SUGCT: variants seen among roughly 807,000 people sequenced by gnomAD.
The protein encoded by SUGCT is succinyl-CoA:glutarate CoA-transferase.
A neutral mutation model predicts 55.0 loss-of-function variants in SUGCT; 41 were observed. The observed-to-expected ratio is 0.74, with a 90% CI of 0.58 to 0.97. The LOEUF (loss-of-function observed/expected upper bound fraction) is 0.97, where lower values mean the gene tolerates loss of function less well. SUGCT is among the 50% of genes least tolerant of loss of function. The pLI is 0.00. For missense variants in SUGCT, 568 were observed against 547.8 expected (o/e 1.04, Z -0.37); for synonymous variants, 187 against 200.4 (o/e 0.93, Z 0.56).
chr7:40,867,763 T>C, the SUGCT span, among the ~76,000 whole-genome samples: 2 of 152,192 alleles, frequency 1.3e-5, no homozygotes, highest in African/African-American at 4.8e-5. Context: ...AAGCACTTTC[T>C]AATCGGCACA....
chr7:40,346,281 T>C (rs994366868), intron 9 of SUGCT, among the ~76,000 whole-genome samples: 2 of 152,104 alleles, frequency 1.3e-5, no homozygotes, highest in African/African-American at 4.8e-5. Context: ...TTCTAGAAAT[T>C]TGCCCACTTA....
chr7:40,703,670 G>C (rs1785267775), intron 12 of SUGCT, among the ~76,000 whole-genome samples: 1 of 152,184 alleles, frequency 6.6e-6, no homozygotes, highest in Non-Finnish European at 1.5e-5. Context: ...TGATACTCAA[G>C]TTTCTATACT....
At chr7:40,564,981 C>A (rs1445165164) in intron 12 of SUGCT, among the ~76,000 whole-genome samples, 2 of 152,132 alleles carry the variant, frequency 1.3e-5, no homozygotes, top group East Asian at 3.8e-4. Context: ...ATTTCCTGTA[C>A]CCCAGGAAGA....
intron 8 of SUGCT, among the ~76,000 whole-genome samples, chr7:40,298,561 T>G (rs1794322520): frequency 6.6e-6 from 1 of 152,182 alleles, no homozygotes; most frequent in South Asian, 2.1e-4. Context: ...CAATCATTAT[T>G]GTCGTGGGAA....
At chr7:40,336,339 G>A (rs1324278647) in intron 9 of SUGCT, among the ~76,000 whole-genome samples, 2 of 152,156 alleles carry the variant, frequency 1.3e-5, no homozygotes, top group Non-Finnish European at 2.9e-5. Context: ...GCTCCTCCCT[G>A]TACCTCTGGT....
the SUGCT span, among the ~76,000 whole-genome samples, chr7:40,987,493 C>G: frequency 6.6e-6 from 1 of 152,146 alleles, no homozygotes; most frequent in East Asian, 1.9e-4. Flanking sequence ...ACCCTTTCTT[C>G]TGGTGGAGAA....
chr7:40,171,893 G>A (rs1784688460), intron 1 of SUGCT, among the ~76,000 whole-genome samples: 1 of 152,150 alleles, frequency 6.6e-6, no homozygotes, highest in African/African-American at 2.4e-5. Flanking sequence ...ATCAATTGTA[G>A]GTTTTAAATT....
intron 12 of SUGCT, among the ~76,000 whole-genome samples, chr7:40,597,838 G>A (rs1798093374): frequency 6.6e-6 from 1 of 152,104 alleles, no homozygotes; most frequent in African/African-American, 2.4e-5. Context: ...GAGATTTGGA[G>A]TTGCTGTTCC....
intron 9 of SUGCT, among the ~76,000 whole-genome samples, chr7:40,345,043 C>T (rs1207024410): frequency 6.6e-6 from 1 of 152,162 alleles, no homozygotes; most frequent in African/African-American, 2.4e-5. Context: ...TAAGGAGCCA[C>T]AATCAAGAAC....
chr7:40,322,160 A>G (rs1245154423), intron 9 of SUGCT, among the ~76,000 whole-genome samples: 2 of 152,066 alleles, frequency 1.3e-5, no homozygotes, highest in Non-Finnish European at 2.9e-5. Flanking sequence ...AGGAGGCCTC[A>G]CCTTTCTAAC....
intron 12 of SUGCT, among the ~76,000 whole-genome samples, chr7:40,589,367 C>T (rs1208911852): frequency 6.6e-6 from 1 of 152,112 alleles, no homozygotes; most frequent in African/African-American, 2.4e-5. Flanking sequence ...GATTAAGGCA[C>T]CAGCATCTTA....
chr7:40,736,428 C>T (rs1458798103), intron 12 of SUGCT, among the ~76,000 whole-genome samples: 5 of 151,032 alleles, frequency 3.3e-5, no homozygotes, highest in African/African-American at 1.2e-4. Flanking sequence ...AGGAATTTTC[C>T]AAAACTTTTG....
chr7:40,806,833 C>G (rs1197550776), intron 13 of SUGCT, among the ~76,000 whole-genome samples: 1 of 152,196 alleles, frequency 6.6e-6, no homozygotes, highest in Non-Finnish European at 1.5e-5. Flanking sequence ...CAACTAGGCT[C>G]TACCCAGCTG....
At chr7:40,487,559 CT>C (rs1346037267) in intron 11 of SUGCT, among the ~76,000 whole-genome samples, 1 of 151,676 alleles carries the variant, frequency 6.6e-6, no homozygotes, top group Non-Finnish European at 1.5e-5. Flanking sequence ...CTAATGTTTC[CT>C]TGTTGATTTT....
intron 9 of SUGCT, among the ~76,000 whole-genome samples, chr7:40,406,805 C>G (rs1471131078): frequency 6.6e-6 from 1 of 152,090 alleles, no homozygotes; most frequent in Admixed American, 6.5e-5. Context: ...AATAATATTG[C>G]AAAGTATACT....
the SUGCT span, among the ~76,000 whole-genome samples, chr7:41,036,736 C>A: frequency 6.6e-6 from 1 of 152,186 alleles, no homozygotes; most frequent in Admixed American, 6.5e-5. Context: ...GGACAAACTT[C>A]CTCAGGCTCA....
At chr7:40,715,423 C>G (rs980594583) in intron 12 of SUGCT, among the ~76,000 whole-genome samples, 1 of 152,156 alleles carries the variant, frequency 6.6e-6, no homozygotes, top group African/African-American at 2.4e-5. Context: ...AACCCAGTGT[C>G]TTCCACTACA....
chr7:40,542,798 G>A (rs1485454528), intron 12 of SUGCT, among the ~76,000 whole-genome samples: 1 of 152,172 alleles, frequency 6.6e-6, no homozygotes, highest in East Asian at 1.9e-4. Context: ...TCAAGCTTTA[G>A]GGAACCCTGT....
chr7:40,703,019 A>G (rs1785233103), intron 12 of SUGCT, among the ~76,000 whole-genome samples: 1 of 151,732 alleles, frequency 6.6e-6, no homozygotes, highest in Admixed American at 6.6e-5. Flanking sequence ...CTGTTATAAC[A>G]GGAGAAATTT....
Sources: allele counts gnomAD v4.1 joint callset (sites outside exome capture counted in the v4.1 genomes callset), GRCh38; gene constraint gnomAD v4.1.1; transcripts MANE v1.5; gene names NCBI Gene and HGNC (gene_info 2026-07-23, HGNC 2026-07-21).